The following LRRIQ3 variants were observed in gnomAD, a reference collection of about 807,000 sequenced individuals.
LRRIQ3 encodes the protein leucine rich repeats and IQ motif containing 3, also known as leucine-rich repeat and IQ domain-containing protein 3.
A neutral mutation model predicts 59.3 loss-of-function variants in LRRIQ3; 75 were observed. The observed-to-expected ratio is 1.26, with a 90% CI of 1.05 to 1.53. The LOEUF (loss-of-function observed/expected upper bound fraction) is 1.53. Among genes scored for constraint, LRRIQ3 ranks in the 40% most tolerant of loss-of-function variants. The pLI, the probability that LRRIQ3 is intolerant of heterozygous loss-of-function variation, is 0.00. For missense variants in LRRIQ3, 831 were observed against 710.0 expected (o/e 1.17, Z -1.94); for synonymous variants, 250 against 231.3 (o/e 1.08, Z -0.73).
At chr1:74,138,488 G>A (rs1647166745) in intron 4 of LRRIQ3, 2 of 984,618 alleles carry the variant, frequency 2.0e-6, no homozygotes, top group Non-Finnish European at 2.4e-6. Context: ...GTTCAGCTAG[G>A]CATGTCAAGT....
chr1:74,103,370 T>C (rs1646561257), intron 5 of LRRIQ3, among the ~76,000 whole-genome samples: 1 of 151,890 alleles, frequency 6.6e-6, no homozygotes, highest in Non-Finnish European at 1.5e-5. Context: ...TTAAAATAAA[T>C]TGCATTACTG....
chr1:74,172,061 C>T (rs1167653716), intron 3 of LRRIQ3, among the ~76,000 whole-genome samples: 2 of 152,088 alleles, frequency 1.3e-5, no homozygotes, highest in Non-Finnish European at 2.9e-5. Flanking sequence ...AAAAAGCCAA[C>T]TGAATTTTGT....
At chr1:74,189,331 C>T (rs144722288) in intron 1 of LRRIQ3, among the ~76,000 whole-genome samples, 4 of 152,052 alleles carry the variant, frequency 2.6e-5, no homozygotes, top group Non-Finnish European at 1.5e-5. Flanking sequence ...CTACTGGTTA[C>T]GACAAGTTCA....
chr1:74,167,159 T>C (rs1488483623), intron 3 of LRRIQ3, among the ~76,000 whole-genome samples: 1 of 151,946 alleles, frequency 6.6e-6, no homozygotes, highest in East Asian at 1.9e-4. Flanking sequence ...TGCACACAGA[T>C]GTTTAGAGCA....
chr1:74,046,552 A>T (rs926560732), intron 6 of LRRIQ3, among the ~76,000 whole-genome samples: 1 of 152,188 alleles, frequency 6.6e-6, no homozygotes, highest in Non-Finnish European at 1.5e-5. Context: ...AGGCTTCATG[A>T]CTAAAACACC....
At chr1:74,103,471 T>A (rs11210414) in intron 5 of LRRIQ3, among the ~76,000 whole-genome samples, 124,098 of 151,886 alleles carry the variant, frequency 0.82, 52,620 homozygotes, top group East Asian at 0.97. Flanking sequence ...TTCTTAGCAT[T>A]AGTTAAGCTA....
At chr1:74,152,671 G>A (rs1648066056) in intron 4 of LRRIQ3, among the ~76,000 whole-genome samples, 1 of 152,096 alleles carries the variant, frequency 6.6e-6, no homozygotes, top group African/African-American at 2.4e-5. Flanking sequence ...GCTAAAATGA[G>A]CTAGGAATAA....
intron 5 of LRRIQ3, among the ~76,000 whole-genome samples, chr1:74,100,667 GC>G (rs1184711515): frequency 1.3e-5 from 2 of 152,102 alleles, no homozygotes; most frequent in African/African-American, 4.8e-5. Context: ...ATACTACAAG[GC>G]TACAGTAACC....
chr1:74,069,364 T>C (rs1654956851), intron 6 of LRRIQ3, among the ~76,000 whole-genome samples: 1 of 151,998 alleles, frequency 6.6e-6, no homozygotes, highest in South Asian at 2.1e-4. Flanking sequence ...ATCAAGAAAT[T>C]TGTATGTTAA....
chr1:74,062,977 C>T (rs1400564819), intron 6 of LRRIQ3, among the ~76,000 whole-genome samples: 1 of 151,686 alleles, frequency 6.6e-6, no homozygotes, highest in Admixed American at 6.6e-5. Context: ...TTCCCCTGAA[C>T]CTAAAATAGA....
At chr1:74,132,331 T>C (rs1647037387) in intron 4 of LRRIQ3, among the ~76,000 whole-genome samples, 1 of 152,056 alleles carries the variant, frequency 6.6e-6, no homozygotes, top group Non-Finnish European at 1.5e-5. Context: ...GCCATCCCCA[T>C]CAAACTACCA....
At chr1:74,176,447 G>A (rs770173443) in intron 3 of LRRIQ3, among the ~76,000 whole-genome samples, 1 of 151,800 alleles carries the variant, frequency 6.6e-6, no homozygotes, top group Non-Finnish European at 1.5e-5. Context: ...GGATTTCTTT[G>A]GGCTGATTTG....
chr1:74,040,936 A>G (rs1654024774), intron 7 of LRRIQ3, among the ~76,000 whole-genome samples: 1 of 152,212 alleles, frequency 6.6e-6, no homozygotes, highest in Non-Finnish European at 1.5e-5. Context: ...ACTGGTCAAG[A>G]GGCTGATGAT....
intron 5 of LRRIQ3, among the ~76,000 whole-genome samples, chr1:74,096,958 A>C (rs576105665): frequency 6.6e-6 from 1 of 151,980 alleles, no homozygotes; most frequent in Non-Finnish European, 1.5e-5. Flanking sequence ...GTCTCCCCCT[A>C]CTGGGGGATG....
At chr1:74,175,430 T>C (rs1361365117) in intron 3 of LRRIQ3, among the ~76,000 whole-genome samples, 1 of 152,144 alleles carries the variant, frequency 6.6e-6, no homozygotes, top group Non-Finnish European at 1.5e-5. Context: ...AGTGCACTTC[T>C]CAGGCAACAC....
rs150055804 is a variant in LRRIQ3, at chr1:74,125,577, T to A, written c.708-16024A>T. On this transcript the variant is annotated intron_variant, in intron 4 of 7. Coordinates refer to ENST00000354431, the MANE Select transcript of LRRIQ3 (RefSeq NM_001105659.2). ...TATCATAAAGGGATATTGGATTGTG[T>A]CAAATGCTTTTTCAGTATCAATTAA... is the stretch of plus-strand genomic sequence containing the variant. Among the ~76,000 whole-genome samples, 697 of 152,048 alleles carry A rather than the reference T, an allele frequency of 4.6e-3. 3 individuals are homozygous for A. The highest frequency in any genetic ancestry group is 0.016 in the African/African-American group (663 of 41,540).
At chr1:74,089,093 A>G (rs988974723) in intron 5 of LRRIQ3, among the ~76,000 whole-genome samples, 1 of 152,122 alleles carries the variant, frequency 6.6e-6, no homozygotes, top group Non-Finnish European at 1.5e-5. Context: ...GGGAATGCAA[A>G]TTAAAACCAC....
intron 6 of LRRIQ3, among the ~76,000 whole-genome samples, chr1:74,050,226 T>C (rs1447517451): frequency 2.0e-5 from 3 of 152,074 alleles, no homozygotes; most frequent in Non-Finnish European, 4.4e-5. Flanking sequence ...CCACCTTGCA[T>C]ACTTTTTAAA....
chr1:74,107,495 A>AT (rs1462992133), intron 5 of LRRIQ3, among the ~76,000 whole-genome samples: 1 of 151,534 alleles, frequency 6.6e-6, no homozygotes, highest in Non-Finnish European at 1.5e-5. Context: ...TGATATTATT[A>AT]TTTTTACCAC....
Sources: allele counts gnomAD v4.1 joint callset (sites outside exome capture counted in the v4.1 genomes callset), GRCh38; gene constraint gnomAD v4.1.1; transcripts MANE v1.5; gene names NCBI Gene and HGNC (gene_info 2026-07-23, HGNC 2026-07-21).